Variants in ZNF445 observed in about 807,000 individuals in gnomAD.
ZNF445 encodes zinc finger protein 168.
In ZNF445, 19 loss-of-function variants were observed where a neutral mutation model predicts 93.9. The observed-to-expected ratio is 0.20, with a 90% confidence interval of 0.14 to 0.30. The LOEUF (loss-of-function observed/expected upper bound fraction) is 0.30. Ranked by LOEUF, ZNF445 falls within the 10% of genes least tolerant of loss-of-function variation. The pLI, the probability that ZNF445 is intolerant of heterozygous loss-of-function variation, is 1.00. For missense variants in ZNF445, 1,058 were observed against 1,259.4 expected (o/e 0.84, Z 2.42); for synonymous variants, 449 against 446.3 (o/e 1.01, Z -0.08).
chr3:44,454,536 A>G (rs1698000974), intron 3 of ZNF445, among the ~76,000 whole-genome samples: 1 of 152,318 alleles, frequency 6.6e-6, no homozygotes, highest in Non-Finnish European at 1.5e-5. Context: ...CCTGGGTTCA[A>G]GTGATCCTCC....
intron 1 of ZNF445, among the ~76,000 whole-genome samples, chr3:44,474,022 C>T (rs934027901): frequency 2.6e-5 from 4 of 152,206 alleles, no homozygotes; most frequent in African/African-American, 4.8e-5. Flanking sequence ...CCCAACACCA[C>T]AGTAGTCATT....
At position 44,432,891 on chromosome 3, in the gene ZNF445, C is replaced by T. The variant is rs533189017; in HGVS notation, c.*13684G>A. ...TCATTTTAAGTCGGTGGAGTTACAA[C>T]CCATGGATTCCTTTGTGTCTGCTTC... On this transcript the variant is annotated 3_prime_UTR_variant, in exon 8 of 8. Coordinates refer to ENST00000396077, the MANE Select transcript of ZNF445 (RefSeq NM_181489.6). 3 of 152,164 alleles carry T rather than the reference C, an allele frequency of 2.0e-5. No individual in the cohort carries two copies. Among genetic ancestry groups the T allele is most frequent in the Admixed American group, 2.0e-4 (3 of 15,266 alleles). 9.4% of individuals were successfully genotyped at this position (152,164 alleles called of 1,614,324 possible).
chr3:44,472,005 A>G (rs1191352943), intron 1 of ZNF445, among the ~76,000 whole-genome samples: 2 of 152,182 alleles, frequency 1.3e-5, no homozygotes, highest in Non-Finnish European at 2.9e-5. Flanking sequence ...CACAAAAGGG[A>G]AGGAGAAACA....
At chr3:44,451,237 G>C in intron 4 of ZNF445, 77 bp downstream of exon 4, 5 of 1,516,682 alleles carry the variant, frequency 3.3e-6, no homozygotes, top group Non-Finnish European at 3.6e-6. Flanking sequence ...TGAGAGGACA[G>C]ATGTGGAAAG....
intron 1 of ZNF445, among the ~76,000 whole-genome samples, chr3:44,463,305 G>T (rs1467069685): frequency 1.3e-5 from 2 of 152,086 alleles, no homozygotes; most frequent in Non-Finnish European, 2.9e-5. Context: ...CAAAGTGCTG[G>T]GATTACAGGT....
intron 3 of ZNF445, among the ~76,000 whole-genome samples, chr3:44,452,751 T>A (rs912922968): frequency 2.0e-5 from 3 of 152,222 alleles, no homozygotes; most frequent in African/African-American, 7.2e-5. Flanking sequence ...CTCTTTTAAA[T>A]TTTTTAAAAT....
chr3:44,464,952 A>G (rs1293619892), intron 1 of ZNF445, among the ~76,000 whole-genome samples: 6 of 151,938 alleles, frequency 3.9e-5, no homozygotes, highest in Admixed American at 3.9e-4. Context: ...CTGTAGTCCC[A>G]GCTACTCGGT....
rs574137563 is a variant in ZNF445 at position 44,435,903 on chromosome 3, A to G, written c.*10672T>C. 8.5e-5 allele frequency: 13 copies of G among 152,328 alleles called. No individual in the cohort carries two copies. The highest frequency in any genetic ancestry group is 1.9e-4 in the Non-Finnish European group (13 of 68,034). 9.4% of individuals were successfully genotyped at this position (152,328 alleles called of 1,614,324 possible). A position where few individuals can be genotyped will look rare whatever the true frequency, so the allele number is the denominator to read the frequency against. The stretch of plus-strand genomic sequence containing the variant: ...AGTCTCCTGTAATTACTGCTAGTTC[A>G]GAACTAGAGGCTGGTTATCCCAGAA... On this transcript the variant is annotated 3_prime_UTR_variant, in exon 8 of 8. Transcript: ENST00000396077.
intron 1 of ZNF445, among the ~76,000 whole-genome samples, chr3:44,475,860 G>A (rs1283339447): frequency 1.3e-5 from 2 of 152,050 alleles, no homozygotes; most frequent in African/African-American, 2.4e-5. Context: ...TTAGCTGGGC[G>A]TGGTGGCACA....
At position 44,441,582 on chromosome 3, in the gene ZNF445, C is replaced by T. The variant is rs1328653801; in HGVS notation, c.*4993G>A. ...AAGCCTTGAAAGATTAGGTGGCTCACTCTAAGTAACATCATGTACCTGGCA... is the reference window on the plus strand; with the variant it reads ...AAGCCTTGAAAGATTAGGTGGCTCATTCTAAGTAACATCATGTACCTGGCA... On this transcript the variant is annotated 3_prime_UTR_variant, in exon 8 of 8. Coordinates refer to ENST00000396077, the MANE Select transcript of ZNF445 (RefSeq NM_181489.6). The T allele has an allele frequency of 6.6e-6, 1 of 152,168 alleles. No homozygotes were observed. The highest frequency in any genetic ancestry group is 2.4e-5 in the African/African-American group (1 of 41,452). 9.4% of individuals were successfully genotyped at this position (152,168 alleles called of 1,614,324 possible). A position where few individuals can be genotyped will look rare whatever the true frequency, so the allele number is the denominator to read the frequency against.
chr3:44,471,536 G>A (rs1326511573), intron 1 of ZNF445, among the ~76,000 whole-genome samples: 1 of 152,190 alleles, frequency 6.6e-6, no homozygotes, highest in South Asian at 2.1e-4. Context: ...TGTAAAAGGA[G>A]TGACACTTAT....
rs564925581 is a variant in ZNF445 at position 44,437,152 on chromosome 3, T to C, written c.*9423A>G. On this transcript the variant is annotated 3_prime_UTR_variant, in exon 8 of 8. Transcript: ENST00000396077. ...CCCTCTCCAGGCCATATAGGGTAACTTCCTGATGTTGCCATGGCAACTGTA... is the reference window on the plus strand; with the variant it reads ...CCCTCTCCAGGCCATATAGGGTAACCTCCTGATGTTGCCATGGCAACTGTA... 6.6e-6 allele frequency: 1 copy of C among 152,188 alleles called. No individual in the cohort carries two copies. Among genetic ancestry groups the C allele is most frequent in the Admixed American group, 6.5e-5 (1 of 15,286 alleles). 9.4% of individuals were successfully genotyped at this position (152,188 alleles called of 1,614,324 possible).
rs150605162 is a variant in ZNF445, at chr3:44,442,003, C to T, written c.*4572G>A. The T allele has an allele frequency of 2.0e-5, 3 of 152,454 alleles. No individual in the cohort carries two copies. Among genetic ancestry groups the T allele is most frequent in the Non-Finnish European group, 2.9e-5 (2 of 68,220 alleles). The allele number at this position is 152,454 out of a possible 1,614,324, so 9.4% of individuals were successfully genotyped here. A position where few individuals can be genotyped will look rare whatever the true frequency, so the allele number is the denominator to read the frequency against. ...TTACATGCATTACTTCATTGACCAC[C>T]CCCCCACCCACAATCACCCTGTGAG... On this transcript the variant is annotated 3_prime_UTR_variant, in exon 8 of 8. Coordinates refer to ENST00000396077, the MANE Select transcript of ZNF445 (RefSeq NM_181489.6).
Position 44,447,724 on chromosome 3 carries a change from C to T in ZNF445, c.1947G>A (p.Glu649=), listed in dbSNP as rs1697899828. 5 of 1,614,162 alleles carry T rather than the reference C, an allele frequency of 3.1e-6. No homozygotes were observed. The highest frequency in any genetic ancestry group is 4.2e-6 in the Non-Finnish European group (5 of 1,180,038). ...ATTCATCTTGTTTGTAGAATTTTTC[C>T]TCCTCATGCAACCTCATATGACGAG... ...NFTRHMRLHE[E]EKFYKQDECR... Residue 649 remains glutamate (E), a synonymous_variant, in exon 8 of 8, where the codon GAG becomes GAA. Transcript: ENST00000396077. The surrounding 1 kb of genome is among the most constrained non-coding windows in gnomAD (Gnocchi z 4.7).
intron 3 of ZNF445, among the ~76,000 whole-genome samples, chr3:44,452,827 C>T (rs116488559): frequency 1.4e-3 from 206 of 151,970 alleles, no homozygotes; most frequent in African/African-American, 4.6e-3. Context: ...TTACCATTTA[C>T]TGCTGGTAGA....
chr3:44,450,800 G>C, intron 5 of ZNF445, 68 bp downstream of exon 5: 1 of 1,379,046 alleles, frequency 7.3e-7, no homozygotes, highest in African/African-American at 1.5e-5. Flanking sequence ...CCAGGATGGG[G>C]AAGCTGCACT....
chr3:44,438,461 T>A lies in ZNF445; in HGVS notation c.*8114A>T, dbSNP rs1264027619. 3 of 150,670 alleles carry A rather than the reference T, an allele frequency of 2.0e-5. No homozygotes were observed. The highest frequency in any genetic ancestry group is 4.9e-5 in the African/African-American group (2 of 40,826). The allele number at this position is 150,670 out of a possible 1,614,324, so 9.3% of individuals were successfully genotyped here. ...ACAGGCGCCCGCTGCCACGCCCGGT[T>A]AATTTTTTGTATTTTTACTAGAGAC... On this transcript the variant is annotated 3_prime_UTR_variant, in exon 8 of 8. Coordinates refer to ENST00000396077, the MANE Select transcript of ZNF445 (RefSeq NM_181489.6).
chr3:44,477,053 C>T (rs1440975133), intron 1 of ZNF445, among the ~76,000 whole-genome samples: 1 of 152,168 alleles, frequency 6.6e-6, no homozygotes, highest in Non-Finnish European at 1.5e-5. Flanking sequence ...TACACACTTC[C>T]AAATGGTTAA....
chr3:44,468,906 A>G (rs991056044), intron 1 of ZNF445, among the ~76,000 whole-genome samples: 14 of 151,796 alleles, frequency 9.2e-5, no homozygotes, highest in African/African-American at 2.4e-4. Flanking sequence ...TGCAATTCCC[A>G]TCTTGAATCA....
Sources: gnomAD v4.1 joint callset for allele counts (sites outside exome capture counted in the v4.1 genomes callset) on GRCh38, gnomAD v4.1.1 for gene constraint, Gnocchi (gnomAD v3.1) non-coding constraint, MANE v1.5 for transcripts, NCBI Gene and HGNC (gene_info 2026-07-23, HGNC 2026-07-21) for gene names.